The following LINGO2 variants were observed in gnomAD, a reference collection of about 807,000 sequenced individuals.
The protein encoded by LINGO2 is leucine-rich repeat and immunoglobulin-like domain-containing nogo receptor-interacting protein 2.
In LINGO2, 14 loss-of-function variants were observed where a neutral mutation model predicts 30.6. The ratio of observed to expected loss-of-function variants is 0.46; its 90% confidence interval spans 0.30 to 0.72. The LOEUF is 0.72. Among genes scored for constraint, LINGO2 ranks in the 30% least tolerant of loss-of-function variants. The pLI is 0.07. For missense variants in LINGO2, 729 were observed against 751.7 expected, an observed-to-expected ratio of 0.97 and a Z score of 0.35; for synonymous variants, 317 against 288.5, an observed-to-expected ratio of 1.10 and a Z score of -1.00.
the LINGO2 span, among the ~76,000 whole-genome samples, chr9:29,030,249 T>G: frequency 1.3e-5 from 2 of 151,166 alleles, no homozygotes; most frequent in African/African-American, 4.9e-5. Flanking sequence ...AATTTCTGAA[T>G]GTTCAAAAAT....
chr9:28,649,081 A>C (rs1274036251), intron 1 of LINGO2, among the ~76,000 whole-genome samples: 1 of 152,142 alleles, frequency 6.6e-6, no homozygotes, highest in African/African-American at 2.4e-5. Flanking sequence ...ACCTATATCG[A>C]ACATAGTAAA....
At chr9:28,016,534 C>T (rs554519917) in intron 4 of LINGO2, among the ~76,000 whole-genome samples, 1 of 151,908 alleles carries the variant, frequency 6.6e-6, no homozygotes, top group Non-Finnish European at 1.5e-5. Flanking sequence ...ATAAAAACCC[C>T]TAAGAGACTA....
At chr9:28,935,993 G>C in the LINGO2 span, among the ~76,000 whole-genome samples, 2 of 152,048 alleles carry the variant, frequency 1.3e-5, no homozygotes, top group Non-Finnish European at 2.9e-5. Flanking sequence ...TGAGTATTTT[G>C]TTCTACAGAG....
chr9:28,696,775 C>A, the LINGO2 span, among the ~76,000 whole-genome samples: 1 of 151,908 alleles, frequency 6.6e-6, no homozygotes, highest in African/African-American at 2.4e-5. Context: ...AGCCAGAAAT[C>A]ATTAATGTCA....
chr9:28,703,681 G>T, the LINGO2 span, among the ~76,000 whole-genome samples: 1 of 151,714 alleles, frequency 6.6e-6, no homozygotes, highest in Non-Finnish European at 1.5e-5. Flanking sequence ...GTCCATTTTT[G>T]ATTAAAAGGC....
chr9:28,674,365 C>T (rs533783664), upstream of LINGO2, among the ~76,000 whole-genome samples: 49 of 152,032 alleles, frequency 3.2e-4, no homozygotes, highest in African/African-American at 9.9e-4. Context: ...AATTTGAAAA[C>T]GAAGGAAACG....
intron 4 of LINGO2, among the ~76,000 whole-genome samples, chr9:28,214,503 C>A (rs1387830849): frequency 6.6e-6 from 1 of 151,522 alleles, no homozygotes; most frequent in African/African-American, 2.4e-5. Context: ...TCAGAAAAGT[C>A]CCTCAGGGAG....
chr9:28,165,094 C>T (rs371278963), intron 4 of LINGO2, among the ~76,000 whole-genome samples: 11 of 152,190 alleles, frequency 7.2e-5, no homozygotes, highest in African/African-American at 2.7e-4. Context: ...AAAACAAAAA[C>T]TAGACATACA....
intron 4 of LINGO2, among the ~76,000 whole-genome samples, chr9:28,260,239 ATTTTTTT>A (rs368518485): frequency 7.1e-6 from 1 of 141,212 alleles, no homozygotes; most frequent in Non-Finnish European, 1.6e-5. Context: ...ATGACTTGTA[ATTTTTTT>A]TTTTTTTTTT....
chr9:29,013,141 TAGAG>T, the LINGO2 span, among the ~76,000 whole-genome samples: 2 of 152,170 alleles, frequency 1.3e-5, no homozygotes, highest in African/African-American at 2.4e-5. Context: ...TCTTAATACA[TAGAG>T]AGAAAGATGC....
At chr9:29,085,307 A>AAAAAAAAAAT in the LINGO2 span, among the ~76,000 whole-genome samples, 1 of 121,438 alleles carries the variant, frequency 8.2e-6, no homozygotes, top group Non-Finnish European at 1.8e-5. Context: ...AAAAAAAAAA[A>AAAAAAAAAAT]AAAAGAATAA....
At chr9:29,144,939 T>C in the LINGO2 span, among the ~76,000 whole-genome samples, 1 of 152,232 alleles carries the variant, frequency 6.6e-6, no homozygotes, top group Non-Finnish European at 1.5e-5. Flanking sequence ...TTTTCATTTT[T>C]TAAAAGAAGG....
intron 3 of LINGO2, among the ~76,000 whole-genome samples, chr9:28,302,344 A>G (rs1185232941): frequency 6.6e-6 from 1 of 152,208 alleles, no homozygotes; most frequent in Non-Finnish European, 1.5e-5. Context: ...TGACAGCAGT[A>G]CCATTTCCTG....
intron 2 of LINGO2, among the ~76,000 whole-genome samples, chr9:28,382,113 T>C (rs968764788): frequency 2.6e-4 from 40 of 152,132 alleles, no homozygotes; most frequent in African/African-American, 9.4e-4. Context: ...ATGGGGATAA[T>C]AATACTTGCC....
At chr9:28,946,089 G>A in the LINGO2 span, among the ~76,000 whole-genome samples, 8 of 152,146 alleles carry the variant, frequency 5.3e-5, no homozygotes, top group Non-Finnish European at 1.2e-4. Context: ...AAGATCACCA[G>A]TAATGTTCTA....
chr9:28,169,864 A>G (rs1828532971), intron 4 of LINGO2, among the ~76,000 whole-genome samples: 1 of 152,164 alleles, frequency 6.6e-6, no homozygotes, highest in Non-Finnish European at 1.5e-5. Flanking sequence ...TCCTTCCCAA[A>G]TATCTGCAAT....
At chr9:29,188,693 A>C in the LINGO2 span, among the ~76,000 whole-genome samples, 33 of 79,348 alleles carry the variant, frequency 4.2e-4, no homozygotes, top group East Asian at 1.8e-3. Context: ...GCGGCTGGCC[A>C]GGCGGGGGGC....
chr9:28,848,110 A>AG, the LINGO2 span, among the ~76,000 whole-genome samples: 1 of 64,206 alleles, frequency 1.6e-5, no homozygotes, highest in South Asian at 5.0e-4. Flanking sequence ...GTGTATATAT[A>AG]CACACTATAT....
At chr9:28,293,881 C>G (rs545675198) in intron 4 of LINGO2, among the ~76,000 whole-genome samples, 1 of 152,160 alleles carries the variant, frequency 6.6e-6, no homozygotes, top group Non-Finnish European at 1.5e-5. Flanking sequence ...GCATAGAACT[C>G]GGTTTCACTT....
Sources: allele counts gnomAD v4.1 joint callset (sites outside exome capture counted in the v4.1 genomes callset), GRCh38; gene constraint gnomAD v4.1.1; transcripts MANE v1.5; gene names NCBI Gene and HGNC (gene_info 2026-07-23, HGNC 2026-07-21).